Variants in SYNJ2BP observed in about 807,000 individuals in gnomAD.
The protein encoded by SYNJ2BP is synaptojanin 2 binding protein.
Under a neutral mutation model 16.9 loss-of-function variants are expected in SYNJ2BP, and 10 were observed. That is an observed-to-expected ratio of 0.59 (90% CI 0.36 to 1.00). SYNJ2BP has a LOEUF of 1.00. Ranked by LOEUF, SYNJ2BP falls within the 50% of genes least tolerant of loss-of-function variation. The probability of loss-of-function intolerance (pLI) is 0.01; values close to 1 mark genes in which losing one functional copy is unlikely to be tolerated. For synonymous variants in SYNJ2BP, 54 were observed against 68.4 expected, an observed-to-expected ratio of 0.79 and a Z score of 1.04; for missense variants, 162 against 186.7, an observed-to-expected ratio of 0.87 and a Z score of 0.77.
At chr14:70,406,176 A>G (rs1888341009) in intron 1 of SYNJ2BP, among the ~76,000 whole-genome samples, 1 of 152,156 alleles carries the variant, frequency 6.6e-6, no homozygotes, top group South Asian at 2.1e-4. Flanking sequence ...GGGGCCTACC[A>G]CCACACACAC....
rs144199272 is a variant in SYNJ2BP, at chr14:70,384,875, T to C, written c.201+3595A>G. ...CAGTTAAACCTCTTTTCTTTATAAA[T>C]TACCCAGTCTCACGTAGTATCTTTA... On this transcript the variant is annotated intron_variant, in intron 2 of 3. Coordinates refer to ENST00000256366, the MANE Select transcript of SYNJ2BP (RefSeq NM_018373.3). Among the ~76,000 whole-genome samples, 29 of 152,258 alleles carry C rather than the reference T, an allele frequency of 1.9e-4. No homozygotes were observed. The East Asian group carries it at 5.0e-3, about 26-fold the overall frequency.
intron 1 of SYNJ2BP, among the ~76,000 whole-genome samples, chr14:70,407,592 T>A (rs1202029926): frequency 6.6e-6 from 1 of 151,976 alleles, no homozygotes; most frequent in Non-Finnish European, 1.5e-5. Context: ...CTATTTCCTA[T>A]GCAAATATGA....
chr14:70,401,468 T>C, intron 1 of SYNJ2BP, among the ~76,000 whole-genome samples: 1 of 151,332 alleles, frequency 6.6e-6, no homozygotes. Context: ...TTAGGCTATC[T>C]TTTGTGGGGG....
chr14:70,412,335 C>T (rs529871986), intron 1 of SYNJ2BP, among the ~76,000 whole-genome samples: 2 of 152,110 alleles, frequency 1.3e-5, no homozygotes, highest in Admixed American at 6.6e-5. Flanking sequence ...GTTAAAAATC[C>T]TTTGAAATTT....
At chr14:70,383,093 T>G (rs2140824569) in intron 2 of SYNJ2BP, among the ~76,000 whole-genome samples, 1 of 152,322 alleles carries the variant, frequency 6.6e-6, no homozygotes, top group South Asian at 2.1e-4. Context: ...AAAAATAGAT[T>G]ATTTAGATCC....
chr14:70,416,819 T>C, intron 1 of SYNJ2BP, 81 bp downstream of exon 1: 1 of 1,604,796 alleles, frequency 6.2e-7, no homozygotes, highest in Non-Finnish European at 8.5e-7. Context: ...CGAGGCCAGG[T>C]GAATCCGGCT....
rs1258198461 is a variant in SYNJ2BP, at chr14:70,369,276, T to C, written c.*3715A>G. 1 of 152,122 alleles carries C rather than the reference T, an allele frequency of 6.6e-6. No individual in the cohort carries two copies. Among genetic ancestry groups the C allele is most frequent in the African/African-American group, 2.4e-5 (1 of 41,418 alleles). 9.4% of individuals were successfully genotyped at this position (152,122 alleles called of 1,614,324 possible). On this transcript the variant is annotated 3_prime_UTR_variant, in exon 4 of 4. Coordinates refer to ENST00000256366, the MANE Select transcript of SYNJ2BP (RefSeq NM_018373.3). ...CACCACTAATTTGTTTGACTTTTAG[T>C]AAAGACAGGGTTTCACCACATTGTG... is the stretch of plus-strand genomic sequence containing the variant.
intron 2 of SYNJ2BP, among the ~76,000 whole-genome samples, chr14:70,382,101 TG>T (rs1271580428): frequency 6.6e-6 from 1 of 152,122 alleles, no homozygotes; most frequent in Admixed American, 6.5e-5. Flanking sequence ...CTGGACGTGG[TG>T]GCAGGCGCCT....
intron 3 of SYNJ2BP, among the ~76,000 whole-genome samples, chr14:70,374,290 T>C (rs1887577694): frequency 6.6e-6 from 1 of 152,228 alleles, no homozygotes; most frequent in Admixed American, 6.5e-5. Context: ...TGACCAATAT[T>C]ATCTCTTATT....
At chr14:70,397,342 G>A (rs1245884891) in intron 1 of SYNJ2BP, among the ~76,000 whole-genome samples, 2 of 152,136 alleles carry the variant, frequency 1.3e-5, no homozygotes, top group Middle Eastern at 3.4e-3. Context: ...TTGATTTTCT[G>A]TTGGTTGTCC....
At chr14:70,399,906 A>C (rs1888199569) in intron 1 of SYNJ2BP, among the ~76,000 whole-genome samples, 2 of 152,126 alleles carry the variant, frequency 1.3e-5, no homozygotes, top group African/African-American at 4.8e-5. Context: ...CATTTCCATG[A>C]CCATTTGGAG....
intron 1 of SYNJ2BP, among the ~76,000 whole-genome samples, chr14:70,390,389 C>A (rs888027014): frequency 6.6e-6 from 1 of 151,770 alleles, no homozygotes; most frequent in Non-Finnish European, 1.5e-5. Context: ...ATGCGGGGGG[C>A]CGGGCGCGGT....
chr14:70,372,822 T>C lies in SYNJ2BP; in HGVS notation c.*169A>G. ...TTTTCCTTCAAACAATACCTTTACT[T>C]TCCCATTAGAATATGAAGAATTGGA... is the stretch of plus-strand genomic sequence containing the variant. On this transcript the variant is annotated 3_prime_UTR_variant, in exon 4 of 4. Transcript: ENST00000256366. 5.0e-6 allele frequency: 5 copies of C among 997,808 alleles called. No homozygotes were observed. Among genetic ancestry groups the C allele is most frequent in the Non-Finnish European group, 7.2e-6 (5 of 689,922 alleles). The allele number at this position is 997,808 out of a possible 1,614,324, so 61.8% of individuals were successfully genotyped here. A position where few individuals can be genotyped will look rare whatever the true frequency, so the allele number is the denominator to read the frequency against.
At chr14:70,382,275 A>T (rs1887768463) in intron 2 of SYNJ2BP, among the ~76,000 whole-genome samples, 1 of 152,240 alleles carries the variant, frequency 6.6e-6, no homozygotes, top group Non-Finnish European at 1.5e-5. Context: ...TTTATTTTTT[A>T]AAAAGTGAAA....
At position 70,375,661 on chromosome 14, in the gene SYNJ2BP, CA is replaced by C. The variant is rs759155314; in HGVS notation, c.297+14del. Reference sequence around the variant, plus strand: ...AAAGCCTGGTGCCAGGTTTCTGGCTCAAAGTGATACCTACCCTGTGCTGCAC... The same window carrying C: ...AAAGCCTGGTGCCAGGTTTCTGGCTCAAGTGATACCTACCCTGTGCTGCAC... On this transcript the variant is annotated intron_variant, in intron 3 of 3. Transcript: ENST00000256366. The C allele has an allele frequency of 3.1e-6, 5 of 1,607,172 alleles. No individual in the cohort carries two copies. In the South Asian group the frequency reaches 5.6e-5, roughly 18 times the overall value.
chr14:70,399,528 G>A (rs1468180944), intron 1 of SYNJ2BP, among the ~76,000 whole-genome samples: 1 of 152,196 alleles, frequency 6.6e-6, no homozygotes, highest in Non-Finnish European at 1.5e-5. Flanking sequence ...ATGTGAGGGT[G>A]GGGGACACAC....
intron 2 of SYNJ2BP, among the ~76,000 whole-genome samples, chr14:70,380,973 T>C (rs920531188): frequency 6.6e-6 from 1 of 152,248 alleles, no homozygotes; most frequent in Non-Finnish European, 1.5e-5. Flanking sequence ...CTGATCATTA[T>C]AACTCTACAA....
At chr14:70,377,831 G>GAAC (rs1887666153) in intron 2 of SYNJ2BP, among the ~76,000 whole-genome samples, 1 of 152,090 alleles carries the variant, frequency 6.6e-6, no homozygotes, top group African/African-American at 2.4e-5. Flanking sequence ...ACTATTTCTT[G>GAAC]GAACGCATTA....
At chr14:70,378,442 T>TG (rs1173151755) in intron 2 of SYNJ2BP, among the ~76,000 whole-genome samples, 1 of 148,466 alleles carries the variant, frequency 6.7e-6, no homozygotes, top group Non-Finnish European at 1.5e-5. Flanking sequence ...TTTTTTTTTT[T>TG]TTTTGAGACA....
Sources: allele counts gnomAD v4.1 joint callset (sites outside exome capture counted in the v4.1 genomes callset), GRCh38; gene constraint gnomAD v4.1.1; transcripts MANE v1.5; gene names NCBI Gene and HGNC (gene_info 2026-07-23, HGNC 2026-07-21).